FCHSD2: variants seen among roughly 807,000 people sequenced by gnomAD.
FCHSD2 encodes F-BAR and double SH3 domains protein 2.
A neutral mutation model predicts 108.1 loss-of-function variants in FCHSD2; 38 were observed. The observed-to-expected ratio is 0.35, with a 90% CI of 0.27 to 0.46. The LOEUF (loss-of-function observed/expected upper bound fraction) is 0.46. Ranked by LOEUF, FCHSD2 falls within the 20% of genes least tolerant of loss-of-function variation. The pLI is 1.00. For synonymous variants in FCHSD2, 279 were observed against 314.7 expected (o/e 0.89, Z 1.20); for missense variants, 751 against 897.8 (o/e 0.84, Z 2.09).
At chr11:73,045,469 G>C (rs567018117) in intron 3 of FCHSD2, among the ~76,000 whole-genome samples, 1 of 151,996 alleles carries the variant, frequency 6.6e-6, no homozygotes, top group Non-Finnish European at 1.5e-5. Flanking sequence ...ACATGCACAC[G>C]TATGTTTATT....
At chr11:73,062,488 C>T (rs1184387214) in intron 3 of FCHSD2, among the ~76,000 whole-genome samples, 4 of 152,106 alleles carry the variant, frequency 2.6e-5, no homozygotes, top group African/African-American at 7.2e-5. Context: ...TAACCAACAC[C>T]TCCAAGCTAA....
chr11:73,119,660 G>C (rs191003486), intron 2 of FCHSD2, among the ~76,000 whole-genome samples: 5 of 152,138 alleles, frequency 3.3e-5, no homozygotes, highest in Admixed American at 2.6e-4. Context: ...TGTTGCCCAG[G>C]TTGGTCTCAC....
At chr11:72,979,513 C>G (rs1486239917) in intron 8 of FCHSD2, among the ~76,000 whole-genome samples, 1 of 151,996 alleles carries the variant, frequency 6.6e-6, no homozygotes, top group Non-Finnish European at 1.5e-5. Flanking sequence ...ACAATTAGAT[C>G]AGATACAAAT....
chr11:72,981,471 A>G (rs1217980346), intron 8 of FCHSD2, among the ~76,000 whole-genome samples: 3 of 152,124 alleles, frequency 2.0e-5, no homozygotes, highest in Admixed American at 2.0e-4. Context: ...AAAAAATAGG[A>G]TTTTATTTTT....
intron 8 of FCHSD2, among the ~76,000 whole-genome samples, chr11:72,976,120 TTTTG>T (rs1335858711): frequency 2.0e-5 from 3 of 152,172 alleles, no homozygotes; most frequent in Non-Finnish European, 2.9e-5. Flanking sequence ...AGCAATAGTT[TTTTG>T]TTTGTTTGTT....
At chr11:72,947,005 C>T (rs890181816) in intron 8 of FCHSD2, among the ~76,000 whole-genome samples, 1 of 152,212 alleles carries the variant, frequency 6.6e-6, no homozygotes, top group Admixed American at 6.5e-5. Context: ...AAGAGCTATT[C>T]TCCTTGTGTC....
chr11:72,890,160 A>T (rs1332147037), intron 10 of FCHSD2, among the ~76,000 whole-genome samples: 1 of 152,246 alleles, frequency 6.6e-6, no homozygotes, highest in Non-Finnish European at 1.5e-5. Flanking sequence ...TTTGTCTTAC[A>T]CTGCTGAACA....
intron 8 of FCHSD2, among the ~76,000 whole-genome samples, chr11:72,971,181 T>G (rs1857000312): frequency 6.6e-6 from 1 of 152,016 alleles, no homozygotes; most frequent in African/African-American, 2.4e-5. Context: ...CAGGTCAAAA[T>G]ATAAAAATCA....
At chr11:72,906,122 C>T (rs904886225) in intron 9 of FCHSD2, among the ~76,000 whole-genome samples, 1 of 151,996 alleles carries the variant, frequency 6.6e-6, no homozygotes, top group Non-Finnish European at 1.5e-5. Context: ...TTAATGATCG[C>T]CATTCTGTTG....
intron 5 of FCHSD2, among the ~76,000 whole-genome samples, chr11:72,996,458 C>T (rs796511103): frequency 4.1e-4 from 63 of 152,196 alleles, no homozygotes; most frequent in African/African-American, 1.4e-3. Flanking sequence ...GTTAAGTAAA[C>T]ATAAGAATGG....
At chr11:72,999,280 C>T (rs1857577688) in intron 5 of FCHSD2, among the ~76,000 whole-genome samples, 1 of 150,334 alleles carries the variant, frequency 6.7e-6, no homozygotes, top group Admixed American at 6.6e-5. Context: ...AGTTAATTCA[C>T]AGACATGAGC....
chr11:72,849,719 C>T, intron 14 of FCHSD2, 36 bp downstream of exon 14: 1 of 1,524,150 alleles, frequency 6.6e-7, no homozygotes, highest in South Asian at 1.1e-5. Flanking sequence ...CAGAGTTAAT[C>T]AGAATTTAAT....
chr11:72,855,227 C>T (rs553847569), intron 13 of FCHSD2, among the ~76,000 whole-genome samples: 14 of 152,136 alleles, frequency 9.2e-5, no homozygotes, highest in African/African-American at 3.1e-4. Context: ...GAGCTGAGAT[C>T]GTGCCATTGT....
At chr11:73,054,184 C>T (rs899557322) in intron 3 of FCHSD2, among the ~76,000 whole-genome samples, 17 of 151,686 alleles carry the variant, frequency 1.1e-4, no homozygotes, top group African/African-American at 4.1e-4. Flanking sequence ...ACCATATGGC[C>T]CTCAAAGCAT....
rs11235638 is a variant in FCHSD2, at chr11:73,031,741, C to T, written c.166-15856G>A. 2.0e-5 allele frequency among the ~76,000 whole-genome samples: 3 copies of T among 152,186 alleles called. 1 individual carries two copies. In the South Asian group the frequency reaches 6.2e-4, roughly 32 times the overall value. ...AGTCCACACTCCCGTTATTCTATTT[C>T]TCACCATTGATATGAACTGATACAT... On this transcript the variant is annotated intron_variant, in intron 3 of 19. Transcript: ENST00000409418.
intron 3 of FCHSD2, among the ~76,000 whole-genome samples, chr11:73,052,623 T>C (rs1261920563): frequency 1.3e-5 from 2 of 152,172 alleles, no homozygotes; most frequent in Non-Finnish European, 2.9e-5. Flanking sequence ...AACAAATTCT[T>C]AGTGTTTCTG....
chr11:72,842,708 A>T lies in FCHSD2; in HGVS notation c.1839T>A (p.Asn613Lys), dbSNP rs1365825253. ...CCGATGGGAAAACTCCAATACGCCC[A>T]TTGAATTCCCCTTCCCAGAAGCCAT... Reference protein sequence around the residue: ...DDDGFWEGEFNGRIGVFPSVL... With the variant: ...DDDGFWEGEFKGRIGVFPSVL... Residue 613 changes from asparagine (N) to lysine (K), a missense_variant, in exon 17 of 20, where the codon AAT (asparagine) becomes AAA (lysine). Coordinates refer to ENST00000409418, the MANE Select transcript of FCHSD2 (RefSeq NM_014824.3). The T allele has an allele frequency of 3.2e-5, 52 of 1,613,920 alleles. No homozygotes were observed. The highest frequency in any genetic ancestry group is 5.0e-5 in the Admixed American group (3 of 60,000).
intron 10 of FCHSD2, among the ~76,000 whole-genome samples, chr11:72,900,686 A>AAG (rs397757720): frequency 1.3e-5 from 2 of 150,864 alleles, no homozygotes; most frequent in African/African-American, 4.9e-5. Flanking sequence ...AAAAAAAAAA[A>AAG]GCACTACTAT....
At chr11:73,110,273 C>CTTTTTTTTTTTTTTTTTTTTTTTTT (rs1860451751) in intron 2 of FCHSD2, among the ~76,000 whole-genome samples, 2 of 151,840 alleles carry the variant, frequency 1.3e-5, no homozygotes, top group African/African-American at 4.8e-5. Flanking sequence ...GGTATCAGTT[C>CTTTTTTTTTTTTTTTTTTTTTTTTT]TTCTTTAAGT....
Sources: gnomAD v4.1 joint callset for allele counts (sites outside exome capture counted in the v4.1 genomes callset) on GRCh38, gnomAD v4.1.1 for gene constraint, MANE v1.5 for transcripts, NCBI Gene and HGNC (gene_info 2026-07-23, HGNC 2026-07-21) for gene names.